CTNND2: variants seen among roughly 807,000 people sequenced by gnomAD.
The protein encoded by CTNND2 is catenin delta 2.
CTNND2 carries 22 observed loss-of-function variants against 144.4 expected under a neutral mutation model. The ratio of observed to expected loss-of-function variants is 0.15; its 90% CI spans 0.11 to 0.22. The LOEUF (loss-of-function observed/expected upper bound fraction) is 0.22. Ranked by LOEUF, CTNND2 falls within the 10% of genes least tolerant of loss-of-function variation. The pLI is 1.00. For synonymous variants in CTNND2, 751 were observed against 695.6 expected (o/e 1.08, Z -1.25); for missense variants, 1,353 against 1,618.8 (o/e 0.84, Z 2.82).
At chr5:11,396,714 A>G (rs1264344999) in intron 6 of CTNND2, among the ~76,000 whole-genome samples, 2 of 152,222 alleles carry the variant, frequency 1.3e-5, no homozygotes, top group African/African-American at 2.4e-5. Context: ...TATCATACTT[A>G]TATCACATAT....
intron 16 of CTNND2, among the ~76,000 whole-genome samples, chr5:11,032,695 A>G (rs1232720761): frequency 6.6e-6 from 1 of 152,232 alleles, no homozygotes; most frequent in African/African-American, 2.4e-5. Flanking sequence ...CAAAAGGAAC[A>G]CTATGTGCTA....
chr5:11,294,906 C>G (rs2150022061), intron 9 of CTNND2, among the ~76,000 whole-genome samples: 1 of 152,318 alleles, frequency 6.6e-6, no homozygotes, highest in South Asian at 2.1e-4. Context: ...GAAGCATTCC[C>G]TTTGAAAACT....
chr5:11,488,467 A>C (rs756659224), intron 3 of CTNND2, among the ~76,000 whole-genome samples: 2 of 152,192 alleles, frequency 1.3e-5, no homozygotes, highest in African/African-American at 2.4e-5. Context: ...GTTCCATTAC[A>C]TATTTTACGT....
intron 9 of CTNND2, among the ~76,000 whole-genome samples, chr5:11,293,079 A>G (rs1314557494): frequency 6.6e-6 from 1 of 152,040 alleles, no homozygotes; most frequent in Non-Finnish European, 1.5e-5. Flanking sequence ...AGATTCATAT[A>G]ATTATTATGC....
intron 3 of CTNND2, among the ~76,000 whole-genome samples, chr5:11,558,341 CGTGTGTGTGTGTGTGTGTGTGTGTGT>C (rs59741742): frequency 3.5e-4 from 46 of 132,226 alleles, no homozygotes; most frequent in Middle Eastern, 3.8e-3. Flanking sequence ...GTGAGAAACA[CGTGTGTGTGTGTGTGTGTGTGTGTGT>C]GTGTGTGTGT....
intron 2 of CTNND2, among the ~76,000 whole-genome samples, chr5:11,630,956 A>G (rs1209196031): frequency 7.7e-6 from 1 of 130,182 alleles, no homozygotes; most frequent in Non-Finnish European, 1.6e-5. Flanking sequence ...CTCCATCTCA[A>G]AAAAAAAAAA....
intron 16 of CTNND2, among the ~76,000 whole-genome samples, chr5:11,045,657 A>G (rs952092393): frequency 6.6e-6 from 1 of 152,120 alleles, no homozygotes; most frequent in Non-Finnish European, 1.5e-5. Flanking sequence ...GTCTCTTACA[A>G]GGACACTTAG....
intron 12 of CTNND2, among the ~76,000 whole-genome samples, chr5:11,146,367 C>T (rs10059740): frequency 0.63 from 95,607 of 151,674 alleles, 30,131 homozygotes; most frequent in East Asian, 0.73. Flanking sequence ...ACAGGCTGAC[C>T]ACAAGGCAGC....
chr5:11,625,966 T>A (rs1328831491), intron 2 of CTNND2, among the ~76,000 whole-genome samples: 1 of 152,166 alleles, frequency 6.6e-6, no homozygotes, highest in Non-Finnish European at 1.5e-5. Flanking sequence ...TCAACTGAAA[T>A]TATGAATATA....
chr5:11,799,908 G>A (rs1434660481), intron 1 of CTNND2, among the ~76,000 whole-genome samples: 1 of 152,098 alleles, frequency 6.6e-6, no homozygotes, highest in African/African-American at 2.4e-5. Context: ...AACACTCCAT[G>A]CATTTTCTAC....
At chr5:11,864,662 G>A (rs1217682277) in intron 1 of CTNND2, among the ~76,000 whole-genome samples, 2 of 152,046 alleles carry the variant, frequency 1.3e-5, no homozygotes, top group Non-Finnish European at 2.9e-5. Context: ...TTGTAGGGGG[G>A]CTCTCCTTTG....
At chr5:11,790,820 G>T (rs1435974896) in intron 1 of CTNND2, among the ~76,000 whole-genome samples, 1 of 152,128 alleles carries the variant, frequency 6.6e-6, no homozygotes, top group Non-Finnish European at 1.5e-5. Context: ...ATGTGGTAGG[G>T]TCAGGAGCCC....
chr5:11,709,772 G>GATT (rs900079060), intron 2 of CTNND2, among the ~76,000 whole-genome samples: 2 of 152,134 alleles, frequency 1.3e-5, no homozygotes, highest in African/African-American at 4.8e-5. Flanking sequence ...ACTATGGAGA[G>GATT]ATTTTGTACA....
chr5:11,071,926 T>C (rs979640919), intron 16 of CTNND2, among the ~76,000 whole-genome samples: 1 of 152,136 alleles, frequency 6.6e-6, no homozygotes, highest in African/African-American at 2.4e-5. Flanking sequence ...TTTCTATCAC[T>C]GGGAAAAGAA....
intron 3 of CTNND2, among the ~76,000 whole-genome samples, chr5:11,422,281 T>G (rs1005066712): frequency 6.6e-6 from 1 of 152,218 alleles, no homozygotes; most frequent in African/African-American, 2.4e-5. Flanking sequence ...AAAAGATGAT[T>G]TGCTTTAAAA....
chr5:11,551,783 T>C (rs1179674722), intron 3 of CTNND2, among the ~76,000 whole-genome samples: 1 of 152,128 alleles, frequency 6.6e-6, no homozygotes, highest in African/African-American at 2.4e-5. Flanking sequence ...GTATTTTTAG[T>C]AGGCACAAGG....
chr5:11,563,094 A>T (rs1776804577), intron 3 of CTNND2, among the ~76,000 whole-genome samples: 1 of 152,196 alleles, frequency 6.6e-6, no homozygotes, highest in East Asian at 1.9e-4. Context: ...CCATATACTC[A>T]CAGTCTGGTC....
chr5:11,323,638 C>A (rs1752263108), intron 9 of CTNND2, among the ~76,000 whole-genome samples: 1 of 152,154 alleles, frequency 6.6e-6, no homozygotes, highest in African/African-American at 2.4e-5. Flanking sequence ...ATAATGAGTT[C>A]TCTTTTAGAC....
In CTNND2 at chr5:11,600,705, C is replaced by CAAA. The variant is rs755277116; in HGVS notation, c.175-35652_175-35650dup. Among the ~76,000 whole-genome samples, 205 of 80,148 alleles carry CAAA rather than the reference C, an allele frequency of 2.6e-3. 2 individuals are homozygous for CAAA. Among genetic ancestry groups the CAAA allele is most frequent in the African/African-American group, 8.2e-3 (168 of 20,528 alleles). 52.6% of individuals were successfully genotyped at this position (80,148 alleles called of 152,430 possible). A position where few individuals can be genotyped will look rare whatever the true frequency, so the allele number is the denominator to read the frequency against. ...TGGGCAACAGAGCAAGATTCTGTCTCAAAAAAAAAAAAAAAAAAAAAATGA... is the reference window on the plus strand; with the variant it reads ...TGGGCAACAGAGCAAGATTCTGTCTCAAAAAAAAAAAAAAAAAAAAAAAAATGA... On this transcript the variant is annotated intron_variant, in intron 2 of 21. Coordinates refer to ENST00000304623, the MANE Select transcript of CTNND2 (RefSeq NM_001332.4).
Sources: allele counts gnomAD v4.1 joint callset (sites outside exome capture counted in the v4.1 genomes callset), GRCh38; gene constraint gnomAD v4.1.1; transcripts MANE v1.5; gene names NCBI Gene and HGNC (gene_info 2026-07-23, HGNC 2026-07-21).